Variants in ENTREP2 observed in about 807,000 individuals in gnomAD.
The protein encoded by ENTREP2 is endosomal transmembrane epsin interactor 2.
chr15:29,249,090 C>A, the ENTREP2 span, among the ~76,000 whole-genome samples: 1 of 152,026 alleles, frequency 6.6e-6, no homozygotes, highest in South Asian at 2.1e-4. Context: ...AGGCGGATCA[C>A]CTGAGGTCAG....
chr15:29,219,290 A>G, the ENTREP2 span, among the ~76,000 whole-genome samples: 4 of 152,152 alleles, frequency 2.6e-5, no homozygotes, highest in African/African-American at 9.7e-5. Context: ...AAGAATGGCC[A>G]TAATCAAAAA....
At chr15:29,144,613 T>C in the ENTREP2 span, among the ~76,000 whole-genome samples, 6 of 152,048 alleles carry the variant, frequency 3.9e-5, no homozygotes, top group Admixed American at 3.3e-4. Flanking sequence ...GCCTGTAGTC[T>C]CAGCTACTTG....
the ENTREP2 span, among the ~76,000 whole-genome samples, chr15:29,129,934 A>G: frequency 6.6e-6 from 1 of 152,228 alleles, no homozygotes; most frequent in Non-Finnish European, 1.5e-5. Context: ...ACACTTGCAA[A>G]TAATGAGCTC....
At chr15:29,219,404 C>T in the ENTREP2 span, among the ~76,000 whole-genome samples, 1 of 151,830 alleles carries the variant, frequency 6.6e-6, no homozygotes, top group Non-Finnish European at 1.5e-5. Context: ...CTATGGAAAA[C>T]AGTGTGGAGC....
chr15:29,282,999 AG>A, the ENTREP2 span, among the ~76,000 whole-genome samples: 44 of 152,308 alleles, frequency 2.9e-4, no homozygotes, highest in Non-Finnish European at 5.6e-4. Flanking sequence ...CCTATGATAG[AG>A]GGCCATGCTC....
chr15:29,410,396 C>T, the ENTREP2 span, among the ~76,000 whole-genome samples: 1 of 152,076 alleles, frequency 6.6e-6, no homozygotes, highest in Admixed American at 6.5e-5. Context: ...CCTGCAGGGG[C>T]TGCTCTGGTG....
chr15:29,377,331 C>T, the ENTREP2 span, among the ~76,000 whole-genome samples: 7 of 151,992 alleles, frequency 4.6e-5, no homozygotes, highest in Middle Eastern at 3.2e-3. Context: ...AAGGGCTTAA[C>T]GAAGGGGAGT....
chr15:29,581,610 TG>T, the ENTREP2 span, among the ~76,000 whole-genome samples: 1 of 152,138 alleles, frequency 6.6e-6, no homozygotes, highest in Non-Finnish European at 1.5e-5. Flanking sequence ...AGAGGCATAG[TG>T]TATTCATGAA....
the ENTREP2 span, among the ~76,000 whole-genome samples, chr15:29,314,254 A>C: frequency 1.3e-5 from 2 of 152,250 alleles, no homozygotes; most frequent in African/African-American, 4.8e-5. Flanking sequence ...GACTGACTCA[A>C]ATTTTGAAAA....
At chr15:29,479,372 G>A in the ENTREP2 span, among the ~76,000 whole-genome samples, 1 of 152,064 alleles carries the variant, frequency 6.6e-6, no homozygotes, top group Non-Finnish European at 1.5e-5. Context: ...GCAGAACCAA[G>A]AGTGAATTAA....
At chr15:29,306,199 C>T in the ENTREP2 span, among the ~76,000 whole-genome samples, 19 of 152,124 alleles carry the variant, frequency 1.2e-4, no homozygotes, top group African/African-American at 4.6e-4. Context: ...CTGTGGGAGG[C>T]GCAGGGCTCA....
At chr15:29,381,658 T>C in the ENTREP2 span, 2 of 798,696 alleles carry the variant, frequency 2.5e-6, no homozygotes, top group Non-Finnish European at 4.0e-6. Flanking sequence ...TATCAAGCTC[T>C]GCTTCCCGCT....
the ENTREP2 span, among the ~76,000 whole-genome samples, chr15:29,561,501 C>T: frequency 2.6e-5 from 4 of 152,090 alleles, no homozygotes; most frequent in South Asian, 2.1e-4. Context: ...TCTTGGCTAA[C>T]ACGGTGAAAC....
chr15:29,407,312 T>G, the ENTREP2 span, among the ~76,000 whole-genome samples: 2 of 152,140 alleles, frequency 1.3e-5, no homozygotes, highest in East Asian at 3.9e-4. Flanking sequence ...GGTATTAGAA[T>G]CTCATGGGAC....
chr15:29,644,740 T>C, the ENTREP2 span, among the ~76,000 whole-genome samples: 3 of 146,326 alleles, frequency 2.1e-5, no homozygotes, highest in South Asian at 4.3e-4. Context: ...GAGGTGGAGG[T>C]TGCAGTGAGC....
At chr15:29,618,073 A>G in the ENTREP2 span, among the ~76,000 whole-genome samples, 4 of 152,186 alleles carry the variant, frequency 2.6e-5, no homozygotes, top group African/African-American at 7.2e-5. Context: ...GAGTCTTAGA[A>G]ATAATGGCTA....
the ENTREP2 span, among the ~76,000 whole-genome samples, chr15:29,385,161 C>T: frequency 6.6e-6 from 1 of 152,154 alleles, no homozygotes; most frequent in Admixed American, 6.5e-5. Flanking sequence ...GTGTATTAAA[C>T]TATCAAAATT....
the ENTREP2 span, among the ~76,000 whole-genome samples, chr15:29,130,941 A>G: frequency 6.6e-6 from 1 of 152,220 alleles, no homozygotes; most frequent in East Asian, 1.9e-4. Context: ...CTCCTTACAG[A>G]AGGAGAGCGG....
the ENTREP2 span, among the ~76,000 whole-genome samples, chr15:29,338,257 G>A: frequency 0.012 from 1,805 of 151,688 alleles, 43 homozygotes; most frequent in African/African-American, 0.042. Flanking sequence ...GTGAAGAGGA[G>A]GGTGGTGATG....
Sources: allele counts gnomAD v4.1 joint callset (sites outside exome capture counted in the v4.1 genomes callset), GRCh38; gene constraint gnomAD v4.1.1; transcripts MANE v1.5; gene names NCBI Gene and HGNC (gene_info 2026-07-23, HGNC 2026-07-21).